The following PPIL6 variants were observed in gnomAD, a reference collection of about 807,000 sequenced individuals.
The protein encoded by PPIL6 is peptidylprolyl isomerase like 6, also known as probable inactive peptidyl-prolyl cis-trans isomerase-like 6.
In PPIL6, 39 loss-of-function variants were observed where a neutral mutation model predicts 36.8. That is an observed-to-expected ratio of 1.06 (90% CI 0.82 to 1.38). The LOEUF is 1.38. PPIL6 is among the 40% of genes most tolerant of loss of function. The pLI, the probability that PPIL6 is intolerant of heterozygous loss-of-function variation, is 0.00. For synonymous variants in PPIL6, 123 were observed against 134.1 expected (o/e 0.92, Z 0.57); for missense variants, 368 against 379.1 (o/e 0.97, Z 0.24).
intron 6 of PPIL6, among the ~76,000 whole-genome samples, chr6:109,409,693 G>A (rs943742091): frequency 9.2e-5 from 14 of 152,010 alleles, no homozygotes; most frequent in African/African-American, 3.4e-4. Flanking sequence ...AAAGTTGCAA[G>A]ATACAAAAAC....
chr6:109,397,447 C>G (rs1477689120), intron 7 of PPIL6, among the ~76,000 whole-genome samples: 6 of 152,102 alleles, frequency 3.9e-5, no homozygotes, highest in African/African-American at 1.4e-4. Flanking sequence ...TTGCATGGCC[C>G]ATGTCTCACT....
intron 2 of PPIL6, among the ~76,000 whole-genome samples, chr6:109,432,098 A>T (rs1774190410): frequency 6.6e-6 from 1 of 152,236 alleles, no homozygotes; most frequent in Non-Finnish European, 1.5e-5. Context: ...TAACTTGCAA[A>T]CAAAATTCAG....
chr6:109,430,934 T>C (rs1227709820), intron 3 of PPIL6, among the ~76,000 whole-genome samples: 1 of 152,222 alleles, frequency 6.6e-6, no homozygotes, highest in Non-Finnish European at 1.5e-5. Flanking sequence ...AGTAAAAATG[T>C]CTGCACAGAG....
chr6:109,431,456 T>C, intron 2 of PPIL6, 111 bp from the exon 3 acceptor site: 1 of 581,744 alleles, frequency 1.7e-6, no homozygotes, highest in East Asian at 3.1e-5. Context: ...TTGTCAACTC[T>C]AGTATTGAAT....
intron 5 of PPIL6, among the ~76,000 whole-genome samples, chr6:109,422,034 G>A (rs1419374694): frequency 2.0e-5 from 3 of 151,954 alleles, no homozygotes; most frequent in African/African-American, 4.8e-5. Flanking sequence ...ATGCCACCAC[G>A]CCCAGCTAAT....
intron 6 of PPIL6, among the ~76,000 whole-genome samples, chr6:109,417,358 G>C (rs1223095087): frequency 6.8e-6 from 1 of 147,366 alleles, no homozygotes; most frequent in Non-Finnish European, 1.5e-5. Context: ...GTCCAGCTTG[G>C]GGAATACAGT....
chr6:109,420,016 G>A (rs1773458830), intron 5 of PPIL6, among the ~76,000 whole-genome samples: 1 of 151,972 alleles, frequency 6.6e-6, no homozygotes, highest in African/African-American at 2.4e-5. Flanking sequence ...GCTAAAACAG[G>A]AAAAGTAAGT....
At position 109,436,182 on chromosome 6, in the gene PPIL6, A is replaced by G; in HGVS notation, c.153T>C (p.His51=). 1 of 1,552,116 alleles carries G rather than the reference A, an allele frequency of 6.4e-7. No individual in the cohort carries two copies. The change falls in exon 2 of 8, where the codon CAT becomes CAC. Residue 51 remains histidine, a synonymous_variant. Coordinates refer to ENST00000521072, the MANE Select transcript of PPIL6 (RefSeq NM_173672.5). ...KSAAENLKNN[H]PSKFEDPILV... ...ATATAGGATCTTCAAATTTGGATGG[A>G]TGATTATTCTTCAGATTCTGGATTT...
At chr6:109,440,886 C>G, upstream of PPIL6, 1 of 549,112 alleles carries the variant, frequency 1.8e-6, no homozygotes, top group East Asian at 3.3e-5. Context: ...GCCCGGATTT[C>G]GGCAGCGGAT....
intron 2 of PPIL6, among the ~76,000 whole-genome samples, chr6:109,432,315 C>T (rs1774200219): frequency 6.6e-6 from 1 of 152,134 alleles, no homozygotes. Context: ...TCACCTTCCT[C>T]AGCACAGTGC....
chr6:109,434,234 G>A (rs1422789546), intron 2 of PPIL6, among the ~76,000 whole-genome samples: 1 of 152,168 alleles, frequency 6.6e-6, no homozygotes, highest in African/African-American at 2.4e-5. Flanking sequence ...AGGACCGTTT[G>A]TCACCCGAGT....
intron 7 of PPIL6, 107 bp downstream of exon 7, chr6:109,399,927 GC>G: frequency 1.3e-6 from 1 of 753,440 alleles, no homozygotes; most frequent in East Asian, 2.9e-5. Context: ...TTGCATTTAA[GC>G]CCTATTTTTA....
chr6:109,398,513 A>T (rs1169225073), intron 7 of PPIL6, among the ~76,000 whole-genome samples: 1 of 152,202 alleles, frequency 6.6e-6, no homozygotes, highest in Non-Finnish European at 1.5e-5. Flanking sequence ...ACATTATCTC[A>T]GGGAAGAAGA....
chr6:109,397,894 A>G (rs1170479742), intron 7 of PPIL6, among the ~76,000 whole-genome samples: 1 of 143,058 alleles, frequency 7.0e-6, no homozygotes, highest in African/African-American at 2.9e-5. Context: ...TGGATTTAAA[A>G]CTTTTTTTTT....
intron 6 of PPIL6, among the ~76,000 whole-genome samples, chr6:109,409,026 C>T (rs1355272653): frequency 6.6e-6 from 1 of 152,084 alleles, no homozygotes. Flanking sequence ...TTCATCATGA[C>T]CAAGCAGGAC....
At chr6:109,403,716 T>A (rs1772660280) in intron 6 of PPIL6, among the ~76,000 whole-genome samples, 1 of 152,184 alleles carries the variant, frequency 6.6e-6, no homozygotes, top group Non-Finnish European at 1.5e-5. Flanking sequence ...TAAAAAAAAA[T>A]TAATTCGTTT....
chr6:109,440,362 C>T (rs1160247406), intron 1 of PPIL6, 94 bp downstream of exon 1: 2 of 1,442,452 alleles, frequency 1.4e-6, no homozygotes, highest in African/African-American at 2.9e-5. Context: ...GCCTCGACCC[C>T]CGCCGCCTCG....
At chr6:109,410,131 G>C (rs1772957896) in intron 6 of PPIL6, among the ~76,000 whole-genome samples, 2 of 152,010 alleles carry the variant, frequency 1.3e-5, no homozygotes, top group Non-Finnish European at 2.9e-5. Context: ...AGGTATCCTG[G>C]AGAGATCTTC....
At chr6:109,428,665 T>C (rs1239552838) in intron 3 of PPIL6, among the ~76,000 whole-genome samples, 1 of 151,910 alleles carries the variant, frequency 6.6e-6, no homozygotes, top group Non-Finnish European at 1.5e-5. Flanking sequence ...TTTATGTCAC[T>C]CTAACTTTTT....
Sources: gnomAD v4.1 joint callset for allele counts (sites outside exome capture counted in the v4.1 genomes callset) on GRCh38, gnomAD v4.1.1 for gene constraint, MANE v1.5 for transcripts, NCBI Gene and HGNC (gene_info 2026-07-23, HGNC 2026-07-21) for gene names.